Variants in FPR1 observed in about 807,000 individuals in gnomAD.
The protein encoded by FPR1 is N-formyl peptide receptor 1.
For synonymous variants in FPR1, 193 were observed against 176.7 expected, an observed-to-expected ratio of 1.09 and a Z score of -0.73; for missense variants, 407 against 453.0, an observed-to-expected ratio of 0.90 and a Z score of 0.92.
At chr19:51,748,023 C>A (rs2083759120) in intron 1 of FPR1, among the ~76,000 whole-genome samples, 1 of 152,106 alleles carries the variant, frequency 6.6e-6, no homozygotes, top group East Asian at 1.9e-4. Context: ...TGTGGTGGCA[C>A]ACACCTGTAG....
Position 51,746,855 on chromosome 19 carries a change from A to G in FPR1, c.140T>C (p.Val47Ala). 1 of 1,614,150 alleles carries G rather than the reference A, an allele frequency of 6.2e-7. No individual in the cohort carries two copies. The highest frequency in any genetic ancestry group is 8.5e-7 in the Non-Finnish European group (1 of 1,180,022). The change falls in exon 2 of 2, where the codon GTG (valine) becomes GCG (alanine). Residue 47 changes from valine (V) to alanine (A), a missense_variant. Transcript: ENST00000304748. The surrounding 1 kb of genome is among the most constrained non-coding windows in gnomAD (Gnocchi z 4.3). ...FVLGVLGNGLVIWVAGFRMTH... is the reference protein window; with the variant it reads ...FVLGVLGNGLAIWVAGFRMTH... ...CATCCGGAATCCAGCCACCCAGATC[A>G]CAAGCCCGTTGCCCAGGACCCCGAG...
chr19:51,749,214 CA>C (rs66687651), intron 1 of FPR1, among the ~76,000 whole-genome samples: 82,691 of 143,894 alleles, frequency 0.57, 23,258 homozygotes, highest in East Asian at 0.87. Context: ...GACTCCGTTT[CA>C]AAAAAAAAAA....
chr19:51,746,156 C>A lies in FPR1; in HGVS notation c.839G>T (p.Gly280Val). The A allele has an allele frequency of 1.2e-6, 2 of 1,614,170 alleles. No individual in the cohort carries two copies. Among genetic ancestry groups the A allele is most frequent in the South Asian group, 1.1e-5 (1 of 91,082 alleles). The change falls in exon 2 of 2, where the codon GGT (glycine) becomes GTT (valine). Residue 280 changes from glycine to valine, a missense_variant. Transcript: ENST00000304748. The surrounding 1 kb of genome is among the most constrained non-coding windows in gnomAD (Gnocchi z 4.3). ...GGCACTTGTCACATCCACTGCAATA[C>A]CAATTTCTTTGTACATGCCTTGCAA... The part of the protein sequence containing the change: ...ELLQGMYKEI[G>V]IAVDVTSALA...
In FPR1 at chr19:51,746,724, A is replaced by G. The variant is rs765852801; in HGVS notation, c.271T>C (p.Trp91Arg). Residue 91 changes from tryptophan (W) to arginine (R), a missense_variant, in exon 2 of 2, where the codon TGG becomes CGG. Trp to Arg is a moderately radical substitution (Grantham distance 101). Coordinates refer to ENST00000304748, the MANE Select transcript of FPR1 (RefSeq NM_002029.4). The surrounding 1 kb of genome is among the most constrained non-coding windows in gnomAD (Gnocchi z 4.3). Reference protein sequence around the residue: ...FMVRKAMGGHWPFGWFLCKFV... With the variant: ...FMVRKAMGGHRPFGWFLCKFV... ...TTGCACAGGAACCAGCCGAAAGGCC[A>G]ATGTCCTCCCATGGCCTTCCTGACC... is the stretch of plus-strand genomic sequence containing the variant. 1 of 1,614,180 alleles carries G rather than the reference A, an allele frequency of 6.2e-7. No homozygotes were observed. Among genetic ancestry groups the G allele is most frequent in the Non-Finnish European group, 8.5e-7 (1 of 1,180,026 alleles).
chr19:51,751,362 A>G (rs1348322320), intron 1 of FPR1, among the ~76,000 whole-genome samples: 2 of 152,064 alleles, frequency 1.3e-5, no homozygotes, highest in African/African-American at 2.4e-5. Context: ...AATAAAGTCT[A>G]GAGCCTATTT....
In FPR1 at chr19:51,751,296, T is replaced by A. The variant is rs190614364; in HGVS notation, c.-12+518A>T. 4.6e-3 allele frequency among the ~76,000 whole-genome samples: 693 copies of A among 152,222 alleles called. 2 individuals are homozygous for A. Among genetic ancestry groups the A allele is most frequent in the Admixed American group, 7.5e-3 (115 of 15,276 alleles). ...GAACTTCCCTCCTTCACTTATCCCTTCTCTCTCCTGCAGCCTCATAGTGTC... is the reference window on the plus strand; with the variant it reads ...GAACTTCCCTCCTTCACTTATCCCTACTCTCTCCTGCAGCCTCATAGTGTC... On this transcript the variant is annotated intron_variant, in intron 1 of 1. Coordinates refer to ENST00000304748, the MANE Select transcript of FPR1 (RefSeq NM_002029.4).
At chr19:51,750,099 T>A (rs563687088) in intron 1 of FPR1, 1 of 152,174 alleles carries the variant, frequency 6.6e-6, no homozygotes, top group Non-Finnish European at 1.5e-5. Context: ...TTCCTTAAAG[T>A]CACCCAACAG....
At chr19:51,751,484 G>A (rs1340669541) in intron 1 of FPR1, among the ~76,000 whole-genome samples, 1 of 152,124 alleles carries the variant, frequency 6.6e-6, no homozygotes, top group Admixed American at 6.6e-5. Context: ...CCAGATTCAA[G>A]CAATTCTCCT....
intron 1 of FPR1, among the ~76,000 whole-genome samples, chr19:51,747,964 T>C (rs551729112): frequency 5.9e-5 from 9 of 152,064 alleles, no homozygotes; most frequent in Admixed American, 5.9e-4. Flanking sequence ...CATAGCAAGA[T>C]CCTCATCTCT....
intron 1 of FPR1, among the ~76,000 whole-genome samples, chr19:51,748,953 A>G (rs2083764329): frequency 1.3e-5 from 2 of 152,052 alleles, no homozygotes; most frequent in Non-Finnish European, 2.9e-5. Flanking sequence ...GCAGTGGCTC[A>G]CGCCTGTAAT....
At position 51,746,839 on chromosome 19, in the gene FPR1, T is replaced by A. The variant is rs1389132373; in HGVS notation, c.156A>T (p.Gly52=). 1 of 1,613,936 alleles carries A rather than the reference T, an allele frequency of 6.2e-7. No homozygotes were observed. The part of the protein sequence containing the change: ...LGNGLVIWVA[G]FRMTHTVTTI... ...TGGTGACTGTGTGTGTCATCCGGAA[T>A]CCAGCCACCCAGATCACAAGCCCGT... is the stretch of plus-strand genomic sequence containing the variant. Residue 52 remains glycine (G), a synonymous_variant, in exon 2 of 2, where the codon GGA becomes GGT. Transcript: ENST00000304748. This position sits in a 1 kb window ranked among gnomAD's most constrained non-coding sequence, Gnocchi z 4.3.
At chr19:51,748,779 G>A (rs2083763232) in intron 1 of FPR1, among the ~76,000 whole-genome samples, 1 of 152,114 alleles carries the variant, frequency 6.6e-6, no homozygotes, top group African/African-American at 2.4e-5. Context: ...TTAACTTTTT[G>A]TATTTTACCA....
At position 51,746,847 on chromosome 19, in the gene FPR1, C is replaced by T; in HGVS notation, c.148G>A (p.Val50Met). Reference sequence around the variant, plus strand: ...GTGTGTGTCATCCGGAATCCAGCCACCCAGATCACAAGCCCGTTGCCCAGG... The same window carrying T: ...GTGTGTGTCATCCGGAATCCAGCCATCCAGATCACAAGCCCGTTGCCCAGG... The part of the protein sequence containing the change: ...GVLGNGLVIW[V>M]AGFRMTHTVT... Residue 50 changes from valine to methionine, a missense_variant, in exon 2 of 2, where the codon GTG becomes ATG. Transcript: ENST00000304748. The surrounding 1 kb of genome is among the most constrained non-coding windows in gnomAD (Gnocchi z 4.3). 6.2e-7 allele frequency: 1 copy of T among 1,614,106 alleles called. No homozygotes were observed. The highest frequency in any genetic ancestry group is 1.7e-5 in the Admixed American group (1 of 60,016).
At chr19:51,750,653 T>C (rs1168854362) in intron 1 of FPR1, 1 of 152,214 alleles carries the variant, frequency 6.6e-6, no homozygotes, top group East Asian at 1.9e-4. Context: ...AGCTGGAACA[T>C]ACCAGAGAGG....
chr19:51,749,065 A>C (rs1202238783), intron 1 of FPR1, among the ~76,000 whole-genome samples: 1 of 152,098 alleles, frequency 6.6e-6, no homozygotes, highest in Non-Finnish European at 1.5e-5. Flanking sequence ...AAATACAAAA[A>C]TTAGCCAGGC....
chr19:51,747,112 T>C, intron 1 of FPR1, 107 bp from the exon 2 acceptor site: 1 of 785,212 alleles, frequency 1.3e-6, no homozygotes, highest in Non-Finnish European at 2.1e-6. Context: ...CTTTCTCACC[T>C]TCCCCTAGAG....
In FPR1 at chr19:51,749,476, A is replaced by ATGGATGGGAGGTGCTTCTCCATCCAT. The variant is rs776746186; in HGVS notation, c.-12+2312_-12+2337dup. Among the ~76,000 whole-genome samples the ATGGATGGGAGGTGCTTCTCCATCCAT allele has an allele frequency of 4.6e-5, 7 of 152,040 alleles. No homozygotes were observed. In the East Asian group the frequency reaches 1.3e-3, roughly 29 times the overall value. ...TCGTCTCTGCGGTTACCTTGGCCAGATGGATGGGAGGTGCTTCTCCATCCA... is the reference window on the plus strand; with the variant it reads ...TCGTCTCTGCGGTTACCTTGGCCAGATGGATGGGAGGTGCTTCTCCATCCATTGGATGGGAGGTGCTTCTCCATCCA... On this transcript the variant is annotated intron_variant, in intron 1 of 1. Transcript: ENST00000304748.
chr19:51,746,380 C>A lies in FPR1; in HGVS notation c.615G>T (p.Arg205=), dbSNP rs766492581. Residue 205 remains arginine, a synonymous_variant, in exon 2 of 2, where the codon CGG becomes CGT. Transcript: ENST00000304748. The surrounding 1 kb of genome is among the most constrained non-coding windows in gnomAD (Gnocchi z 4.3). The part of the protein sequence containing the change: ...VAMLTVRGII[R]FIIGFSAPMS... ...TGGGTGCGCTGAAGCCAATGATGAA[C>A]CGGATGATGCCTCTCACCGTCAACA... 4.3e-6 allele frequency: 7 copies of A among 1,614,036 alleles called. No homozygotes were observed. In the South Asian group the frequency reaches 6.6e-5, roughly 15 times the overall value.
In FPR1 at chr19:51,745,782, A is replaced by C. The variant is rs2083738276; in HGVS notation, c.*160T>G. On this transcript the variant is annotated 3_prime_UTR_variant, in exon 2 of 2. Transcript: ENST00000304748. ...AAAAAGAAGTCAATAATAAACTCAT[A>C]TCTGTTTATTCTCCCCAAATCAGGG... 1.6e-6 allele frequency: 1 copy of C among 641,838 alleles called. No homozygotes were observed. The highest frequency in any genetic ancestry group is 2.7e-6 in the Non-Finnish European group (1 of 367,350). 39.8% of individuals were successfully genotyped at this position (641,838 alleles called of 1,614,324 possible). A position where few individuals can be genotyped will look rare whatever the true frequency, so the allele number is the denominator to read the frequency against.
Sources: gnomAD v4.1 joint callset for allele counts (sites outside exome capture counted in the v4.1 genomes callset) on GRCh38, gnomAD v4.1.1 for gene constraint, Gnocchi (gnomAD v3.1) non-coding constraint, MANE v1.5 for transcripts, NCBI Gene and HGNC (gene_info 2026-07-23, HGNC 2026-07-21) for gene names.